Variants in CDH6 observed in about 807,000 individuals in gnomAD.
CDH6 encodes the protein cadherin-6.
CDH6 carries 31 observed loss-of-function variants against 78.0 expected under a neutral mutation model. The observed-to-expected ratio is 0.40, with a 90% CI of 0.30 to 0.54. The LOEUF is 0.54. Among genes scored for constraint, CDH6 ranks in the 20% least tolerant of loss-of-function variants. The pLI is 0.56. For synonymous variants in CDH6, 376 were observed against 368.8 expected (o/e 1.02, Z -0.23); for missense variants, 724 against 975.9 (o/e 0.74, Z 3.44).
Position 31,289,794 on chromosome 5 carries a change from T to A in CDH6, c.229-4168T>A, listed in dbSNP as rs187882681. On this transcript the variant is annotated intron_variant, in intron 2 of 11. Coordinates refer to ENST00000265071, the MANE Select transcript of CDH6 (RefSeq NM_004932.4). ...AAAAATCTTTGTTATGCCTTTGAAT[T>A]TGATTTAAAGTCAAGTTGGAATTCA... Among the ~76,000 whole-genome samples the A allele has an allele frequency of 1.5e-4, 23 of 152,258 alleles. 1 individual carries two copies. In the East Asian group the frequency reaches 2.9e-3, roughly 19 times the overall value.
intron 1 of CDH6, among the ~76,000 whole-genome samples, chr5:31,224,496 T>C (rs543163320): frequency 6.6e-6 from 1 of 152,324 alleles, no homozygotes; most frequent in East Asian, 1.9e-4. Context: ...TATGGACAGC[T>C]AGAAGACACA....
intron 1 of CDH6, among the ~76,000 whole-genome samples, chr5:31,214,175 A>G (rs1027731964): frequency 6.6e-6 from 1 of 150,572 alleles, no homozygotes; most frequent in Non-Finnish European, 1.5e-5. Context: ...GCAGTCTGGG[A>G]AAAAACCAGA....
chr5:31,221,869 G>C (rs574633327), intron 1 of CDH6, among the ~76,000 whole-genome samples: 18 of 152,106 alleles, frequency 1.2e-4, no homozygotes, highest in Non-Finnish European at 2.2e-4. Flanking sequence ...TTTTGAGACA[G>C]GTAGTTCCTC....
intron 1 of CDH6, among the ~76,000 whole-genome samples, chr5:31,240,503 C>A (rs1429653995): frequency 6.6e-6 from 1 of 152,092 alleles, no homozygotes; most frequent in Admixed American, 6.6e-5. Flanking sequence ...TTAGGCCACT[C>A]TTGAAGCAGA....
intron 1 of CDH6, among the ~76,000 whole-genome samples, chr5:31,202,256 T>A (rs1324670588): frequency 6.6e-6 from 1 of 152,192 alleles, no homozygotes; most frequent in East Asian, 1.9e-4. Context: ...AATGAGCTTA[T>A]CGTATTTTTA....
At chr5:31,295,619 A>G (rs1737563034) in intron 3 of CDH6, among the ~76,000 whole-genome samples, 1 of 152,204 alleles carries the variant, frequency 6.6e-6, no homozygotes, top group Non-Finnish European at 1.5e-5. Context: ...TTGTGATTAT[A>G]GAAAGGCATC....
intron 2 of CDH6, among the ~76,000 whole-genome samples, chr5:31,284,014 C>T (rs1416564475): frequency 6.6e-6 from 1 of 152,052 alleles, no homozygotes; most frequent in Non-Finnish European, 1.5e-5. Context: ...AGGGTTTTGC[C>T]ATGTTGCCCA....
rs190894489 is a variant in CDH6, at chr5:31,302,095, G to C, written c.812-16G>C. 54 of 1,575,906 alleles carry C rather than the reference G, an allele frequency of 3.4e-5. No homozygotes were observed. In the African/African-American group the frequency reaches 6.6e-4, roughly 19 times the overall value. ...GTTAGTCTATGTTTGACTTATATCT[G>C]TCTGGTGATTAATAGGTACATACCA... On this transcript the variant is annotated splice_polypyrimidine_tract_variant and intron_variant, in intron 5 of 11. Coordinates refer to ENST00000265071, the MANE Select transcript of CDH6 (RefSeq NM_004932.4).
At chr5:31,242,704 G>GGC (rs142319188) in intron 1 of CDH6, among the ~76,000 whole-genome samples, 36 of 150,872 alleles carry the variant, frequency 2.4e-4, no homozygotes, top group East Asian at 1.2e-3. Flanking sequence ...ATAAGAATGG[G>GGC]GGGGGGCGGT....
intron 6 of CDH6, among the ~76,000 whole-genome samples, chr5:31,302,964 A>AAAGAAAGAAAGAAGG (rs1238222776): frequency 9.0e-6 from 1 of 111,682 alleles, no homozygotes; most frequent in Non-Finnish European, 1.9e-5. Context: ...AGAAGGAAAG[A>AAAGAAAGAAAGAAGG]AAAGAAAGAA....
In CDH6 at chr5:31,278,082, T is replaced by C. The variant is rs556872735; in HGVS notation, c.228+10381T>C. 3.3e-5 allele frequency among the ~76,000 whole-genome samples: 5 copies of C among 152,314 alleles called. No individual in the cohort carries two copies. In the South Asian group the frequency reaches 1.0e-3, roughly 32 times the overall value. On this transcript the variant is annotated intron_variant, in intron 2 of 11. Transcript: ENST00000265071. Reference sequence around the variant, plus strand: ...TTTAAGTATACAGTATTATATTAACTATAGTCTCCATGTTGACATTTGATT... The same window carrying C: ...TTTAAGTATACAGTATTATATTAACCATAGTCTCCATGTTGACATTTGATT...
At chr5:31,214,710 T>C (rs1740817645) in intron 1 of CDH6, among the ~76,000 whole-genome samples, 1 of 152,214 alleles carries the variant, frequency 6.6e-6, no homozygotes, top group Non-Finnish European at 1.5e-5. Context: ...AATGTGAGCA[T>C]GTCCTGATAA....
chr5:31,286,985 G>A (rs1342518865), intron 2 of CDH6, among the ~76,000 whole-genome samples: 2 of 152,244 alleles, frequency 1.3e-5, no homozygotes, highest in South Asian at 4.2e-4. Context: ...ACAGAGATGA[G>A]AGGAGGAAAA....
At chr5:31,267,209 T>A in intron 1 of CDH6, 137 bp from the exon 2 acceptor site, 1 of 456,670 alleles carries the variant, frequency 2.2e-6, no homozygotes, top group Non-Finnish European at 3.9e-6. Flanking sequence ...ACCGTCTCCT[T>A]CGTTTCAAAA....
chr5:31,223,209 T>G (rs1292389470), intron 1 of CDH6, among the ~76,000 whole-genome samples: 1 of 152,194 alleles, frequency 6.6e-6, no homozygotes, highest in African/African-American at 2.4e-5. Flanking sequence ...GAAGCCCTTT[T>G]AAAAGTGAAC....
At chr5:31,268,039 A>C (rs980085294) in intron 2 of CDH6, among the ~76,000 whole-genome samples, 1 of 152,146 alleles carries the variant, frequency 6.6e-6, no homozygotes, top group African/African-American at 2.4e-5. Flanking sequence ...CGGAATGGAG[A>C]GATTAAGCTG....
intron 1 of CDH6, among the ~76,000 whole-genome samples, chr5:31,194,111 G>A (rs1172150831): frequency 6.6e-6 from 1 of 152,004 alleles, no homozygotes; most frequent in Admixed American, 6.5e-5. Context: ...CCGCTTCCCG[G>A]GGAGCCTGGG....
chr5:31,229,165 C>G (rs1741245826), intron 1 of CDH6, among the ~76,000 whole-genome samples: 1 of 152,158 alleles, frequency 6.6e-6, no homozygotes, highest in Non-Finnish European at 1.5e-5. Flanking sequence ...CTACCCGATT[C>G]TCCAAAACCT....
At chr5:31,251,975 A>T (rs950524713) in intron 1 of CDH6, 1 of 152,252 alleles carries the variant, frequency 6.6e-6, no homozygotes, top group African/African-American at 2.4e-5. Context: ...CATATAGCTG[A>T]AGCTGTATTT....
Sources: allele counts gnomAD v4.1 joint callset (sites outside exome capture counted in the v4.1 genomes callset), GRCh38; gene constraint gnomAD v4.1.1; transcripts MANE v1.5; gene names NCBI Gene and HGNC (gene_info 2026-07-23, HGNC 2026-07-21).